The following NRXN3 variants were observed in gnomAD, a reference collection of about 807,000 sequenced individuals.
NRXN3 encodes neurexin III.
Under a neutral mutation model 137.6 loss-of-function variants are expected in NRXN3, and 32 were observed. The ratio of observed to expected loss-of-function variants is 0.23; its 90% CI spans 0.18 to 0.31. The LOEUF (loss-of-function observed/expected upper bound fraction) is 0.31, where lower values mean the gene tolerates loss of function less well. Ranked by LOEUF, NRXN3 falls within the 10% of genes least tolerant of loss-of-function variation. The probability of loss-of-function intolerance (pLI) is 1.00; values close to 1 mark genes in which losing one functional copy is unlikely to be tolerated. For synonymous variants in NRXN3, 798 were observed against 784.5 expected, an observed-to-expected ratio of 1.02 and a Z score of -0.29; for missense variants, 1,574 against 2,062.5, an observed-to-expected ratio of 0.76 and a Z score of 4.59.
At chr14:79,332,285 C>T (rs1045816268) in intron 15 of NRXN3, among the ~76,000 whole-genome samples, 2 of 152,190 alleles carry the variant, frequency 1.3e-5, no homozygotes, top group Non-Finnish European at 2.9e-5. Flanking sequence ...AACTGGTTTG[C>T]CTGCCTTTGA....
At chr14:79,570,439 T>G (rs920856025) in intron 16 of NRXN3, 16 of 152,280 alleles carry the variant, frequency 1.1e-4, no homozygotes, top group Admixed American at 7.2e-4. Flanking sequence ...GGAAAAGACA[T>G]GCTTTTCTCC....
intron 17 of NRXN3, among the ~76,000 whole-genome samples, chr14:79,686,001 T>C (rs527675007): frequency 1.3e-5 from 2 of 152,208 alleles, no homozygotes; most frequent in East Asian, 1.9e-4. Flanking sequence ...ATAAGATATT[T>C]GGACATGATA....
At position 79,536,347 on chromosome 14, in the gene NRXN3, A is replaced by G. The variant is rs1260908446; in HGVS notation, c.3444+68945A>G. ...GCTCTGGGGAGGATGAGTGAAAATC[A>G]TGGAGTCAGAGCAGAATCATGAAAA... On this transcript the variant is annotated intron_variant, in intron 16 of 20. Transcript: ENST00000335750. Among the ~76,000 whole-genome samples, 4 of 152,172 alleles carry G rather than the reference A, an allele frequency of 2.6e-5. No individual in the cohort carries two copies. In the South Asian group the frequency reaches 6.2e-4, roughly 24 times the overall value.
At chr14:78,630,341 TAAC>T (rs2097507235) in intron 4 of NRXN3, among the ~76,000 whole-genome samples, 1 of 152,206 alleles carries the variant, frequency 6.6e-6, no homozygotes, top group Admixed American at 6.5e-5. Context: ...ATTTAAATAA[TAAC>T]ATTAACAAAT....
At chr14:79,121,588 G>T (rs1454729145) in intron 15 of NRXN3, among the ~76,000 whole-genome samples, 1 of 151,974 alleles carries the variant, frequency 6.6e-6, no homozygotes, top group Non-Finnish European at 1.5e-5. Context: ...TTTATAAAAT[G>T]GCACATGGGT....
At chr14:79,475,531 C>T (rs1202319481) in intron 16 of NRXN3, among the ~76,000 whole-genome samples, 2 of 151,868 alleles carry the variant, frequency 1.3e-5, no homozygotes, top group African/African-American at 4.8e-5. Flanking sequence ...GTACTGTGAC[C>T]AACCTTGGCT....
chr14:79,215,496 A>G (rs1214820697), intron 15 of NRXN3, among the ~76,000 whole-genome samples: 6 of 152,210 alleles, frequency 3.9e-5, no homozygotes. Context: ...TCACAATTTC[A>G]TGTGGCTGGG....
chr14:78,446,714 T>C (rs2094429889), intron 4 of NRXN3, among the ~76,000 whole-genome samples: 1 of 152,212 alleles, frequency 6.6e-6, no homozygotes, highest in African/African-American at 2.4e-5. Context: ...GATCATTAAA[T>C]CATCTCAGAC....
intron 8 of NRXN3, among the ~76,000 whole-genome samples, chr14:78,743,215 G>T (rs1292607593): frequency 6.6e-6 from 1 of 152,162 alleles, no homozygotes; most frequent in Non-Finnish European, 1.5e-5. Context: ...TGAAAAATAT[G>T]TAAGATACTA....
chr14:79,673,025 C>G (rs1230840446), intron 17 of NRXN3, among the ~76,000 whole-genome samples: 1 of 151,998 alleles, frequency 6.6e-6, no homozygotes, highest in East Asian at 1.9e-4. Flanking sequence ...GAAAGGTGCT[C>G]TATACTGTAA....
At chr14:78,618,199 C>T (rs866212169) in intron 4 of NRXN3, among the ~76,000 whole-genome samples, 12 of 151,738 alleles carry the variant, frequency 7.9e-5, no homozygotes, top group Middle Eastern at 3.5e-3. Context: ...AACTTCAAGC[C>T]TAACACACTT....
At chr14:79,853,871 G>T in intron 20 of NRXN3, 1 of 986,148 alleles carries the variant, frequency 1.0e-6, no homozygotes, top group Non-Finnish European at 1.2e-6. Flanking sequence ...AAAGTAAACA[G>T]GTTTTTTTGT....
At chr14:79,501,319 C>T (rs987491381) in intron 16 of NRXN3, among the ~76,000 whole-genome samples, 9 of 152,034 alleles carry the variant, frequency 5.9e-5, no homozygotes, top group Admixed American at 2.0e-4. Flanking sequence ...TATGAGAGAC[C>T]GAGATCCATG....
intron 10 of NRXN3, among the ~76,000 whole-genome samples, chr14:78,889,607 A>T (rs570365568): frequency 3.9e-5 from 6 of 152,014 alleles, no homozygotes; most frequent in African/African-American, 1.4e-4. Flanking sequence ...CTCAACACAA[A>T]TTTAAAGAGT....
At chr14:79,365,685 G>A (rs1213861766) in intron 15 of NRXN3, among the ~76,000 whole-genome samples, 2 of 135,228 alleles carry the variant, frequency 1.5e-5, no homozygotes, top group Non-Finnish European at 3.1e-5. Context: ...CGCCACTGCA[G>A]TCCGCAGTCC....
intron 19 of NRXN3, among the ~76,000 whole-genome samples, chr14:79,736,233 C>T (rs1196816776): frequency 6.6e-6 from 1 of 152,160 alleles, no homozygotes; most frequent in East Asian, 1.9e-4. Flanking sequence ...ATACATTTTA[C>T]TCTCTCTTCT....
At chr14:79,290,322 T>C (rs1052622463) in intron 15 of NRXN3, among the ~76,000 whole-genome samples, 7 of 152,120 alleles carry the variant, frequency 4.6e-5, no homozygotes, top group Non-Finnish European at 8.8e-5. Flanking sequence ...ATAGAGCGGG[T>C]TGATAGAGCA....
At chr14:79,575,124 A>C (rs1210099708) in intron 16 of NRXN3, among the ~76,000 whole-genome samples, 1 of 152,178 alleles carries the variant, frequency 6.6e-6, no homozygotes, top group Non-Finnish European at 1.5e-5. Flanking sequence ...CCGTCTGATA[A>C]GGGAAGTATA....
intron 16 of NRXN3, among the ~76,000 whole-genome samples, chr14:79,593,823 T>TAACA (rs921397694): frequency 4.0e-4 from 61 of 152,236 alleles, no homozygotes; most frequent in African/African-American, 1.4e-3. Flanking sequence ...AATAAAATAT[T>TAACA]AACATTCAAT....
Sources: gnomAD v4.1 joint callset for allele counts (sites outside exome capture counted in the v4.1 genomes callset) on GRCh38, gnomAD v4.1.1 for gene constraint, MANE v1.5 for transcripts, NCBI Gene and HGNC (gene_info 2026-07-23, HGNC 2026-07-21) for gene names.